Variants in LAMA5 observed in about 807,000 individuals in gnomAD.
LAMA5 encodes the protein laminin subunit alpha-5.
In LAMA5, 260 loss-of-function variants were observed where a neutral mutation model predicts 433.4. The ratio of observed to expected loss-of-function variants is 0.60; its 90% CI spans 0.54 to 0.66. The LOEUF is 0.66. Ranked by LOEUF, LAMA5 falls within the 30% of genes least tolerant of loss-of-function variation. The pLI is 0.00. For missense variants in LAMA5, 5,378 were observed against 5,258.5 expected (o/e 1.02, Z -0.70); for synonymous variants, 2,620 against 2,226.6 (o/e 1.18, Z -4.97).
intron 11 of LAMA5, among the ~76,000 whole-genome samples, chr20:62,345,125 T>C (rs1983153227): frequency 6.6e-6 from 1 of 150,984 alleles, no homozygotes; most frequent in Non-Finnish European, 1.5e-5. Context: ...TCAAGCGATT[T>C]TCCTGCCTCA....
intron 6 of LAMA5, among the ~76,000 whole-genome samples, chr20:62,348,308 G>C (rs1983676664): frequency 6.6e-6 from 1 of 152,162 alleles, no homozygotes; most frequent in Non-Finnish European, 1.5e-5. Context: ...TGGTCATAAA[G>C]AAATCTAAAA....
chr20:62,338,207 G>A (rs777104438), intron 13 of LAMA5, 25 bp downstream of exon 13: 8 of 1,576,566 alleles, frequency 5.1e-6, no homozygotes, highest in Non-Finnish European at 6.9e-6. Context: ...CCCTACCCAC[G>A]CCCACGTGGA....
At chr20:62,325,186 A>AGGGGCAGGACGAGAGGTGAGTAGG in intron 41 of LAMA5, 130 bp downstream of exon 41, 1 of 621,428 alleles carries the variant, frequency 1.6e-6, no homozygotes, top group Non-Finnish European at 2.7e-6. Context: ...TGTGAAAAGC[A>AGGGGCAGGACGAGAGGTGAGTAGG]GGGGCAGGAA....
At chr20:62,340,311 T>G (rs1010805138) in intron 11 of LAMA5, among the ~76,000 whole-genome samples, 5 of 139,126 alleles carry the variant, frequency 3.6e-5, no homozygotes, top group East Asian at 2.1e-4. Context: ...CTTTGTTTTT[T>G]TTTTTTTTTT....
intron 1 of LAMA5, among the ~76,000 whole-genome samples, chr20:62,364,606 G>C (rs994158300): frequency 6.6e-6 from 1 of 152,316 alleles, no homozygotes. Flanking sequence ...CAGAAGGGCC[G>C]ATAAGGACTT....
chr20:62,317,855 G>T, intron 53 of LAMA5, 77 bp from the exon 54 acceptor site: 1 of 343,534 alleles, frequency 2.9e-6, no homozygotes, highest in East Asian at 9.6e-5. Flanking sequence ...GGACAGCAGG[G>T]CAGGGAAGGG....
chr20:62,323,001 G>A (rs539755135), intron 45 of LAMA5, among the ~76,000 whole-genome samples: 1 of 150,964 alleles, frequency 6.6e-6, no homozygotes, highest in Non-Finnish European at 1.5e-5. Context: ...TCCGCTGCCA[G>A]TGGTGGGGCA....
At chr20:62,332,886 A>G (rs1006597016) in intron 26 of LAMA5, among the ~76,000 whole-genome samples, 169 bp from the exon 27 acceptor site, 1 of 134,362 alleles carries the variant, frequency 7.4e-6, no homozygotes, top group Non-Finnish European at 1.7e-5. Flanking sequence ...TGTGGAGGCC[A>G]CAGCCAATCC....
intron 35 of LAMA5, 81 bp downstream of exon 35, chr20:62,328,160 G>A (rs1339652217): frequency 2.0e-6 from 3 of 1,508,988 alleles, no homozygotes; most frequent in East Asian, 2.4e-5. Context: ...GGAGCAGGGT[G>A]GGTGCCAGGA....
chr20:62,322,572 T>C (rs1978458219), intron 46 of LAMA5, 86 bp downstream of exon 46: 1 of 1,410,810 alleles, frequency 7.1e-7, no homozygotes, highest in Non-Finnish European at 9.6e-7. Context: ...ACACTGCCCC[T>C]CAGCCCCACC....
chr20:62,353,112 C>A, intron 3 of LAMA5, 22 bp downstream of exon 3: 1 of 1,528,238 alleles, frequency 6.5e-7, no homozygotes, highest in South Asian at 1.2e-5. Flanking sequence ...TCCCCCCAGG[C>A]CCCACGGCGG....
At position 62,318,727 on chromosome 20, in the gene LAMA5, G is replaced by C. The variant is rs533887980; in HGVS notation, c.7043-77C>G. 2.2e-5 allele frequency: 35 copies of C among 1,569,510 alleles called. 1 individual carries two copies. In the East Asian group the frequency reaches 7.7e-4, roughly 35 times the overall value. The stretch of plus-strand genomic sequence containing the variant: ...GACCCCTGGTCTCCACTTGGTGCCC[G>C]CCAGATCCATCTGCCCCGTGATGCC... On this transcript the variant is annotated intron_variant, in intron 52 of 79. Transcript: ENST00000252999.
intron 32 of LAMA5, among the ~76,000 whole-genome samples, chr20:62,329,507 C>T (rs2146177523): frequency 6.6e-6 from 1 of 152,316 alleles, no homozygotes; most frequent in East Asian, 1.9e-4. Flanking sequence ...TGTCTGCTGG[C>T]CACGCCTTCC....
intron 14 of LAMA5, 38 bp downstream of exon 14, chr20:62,337,978 G>A: frequency 1.3e-6 from 2 of 1,596,418 alleles, no homozygotes; most frequent in Non-Finnish European, 1.7e-6. Flanking sequence ...GCGCCATGTG[G>A]GTGGCAGAAC....
chr20:62,360,662 A>ATGGGTGGGTGGGTGGAGGGATAGATGGG (rs1986023145), intron 2 of LAMA5, among the ~76,000 whole-genome samples: 1 of 10,180 alleles, frequency 9.8e-5, no homozygotes, highest in African/African-American at 3.9e-4. Flanking sequence ...GGAGGGATAG[A>ATGGGTGGGTGGGTGGAGGGATAGATGGG]TGGGTGGGTG....
rs746278715 is a variant in LAMA5 at position 62,329,836 on chromosome 20, C to T, written c.4060G>A (p.Val1354Met). The change falls in exon 32 of 80, where the codon GTG (valine) becomes ATG (methionine). Residue 1354 changes from valine (V) to methionine (M), a missense_variant. Val to Met is a conservative substitution (Grantham distance 21). Coordinates refer to ENST00000252999, the MANE Select transcript of LAMA5 (RefSeq NM_005560.6). ...GTCACAGTGAGCTCGCTGTGGGTCA[C>T]GTCCAGCAGGGCCTGGCCCTCACAC... is the stretch of plus-strand genomic sequence containing the variant. ...VVCEGQALLD[V>M]THSELTVTVR... is the part of the protein sequence containing the mutation. 1.2e-5 allele frequency: 20 copies of T among 1,612,404 alleles called. No individual in the cohort carries two copies. The highest frequency in any genetic ancestry group is 2.7e-5 in the African/African-American group (2 of 74,944).
In LAMA5 at chr20:62,325,107, A is replaced by AGGCAGATGAGG. The variant is rs1555876019; in HGVS notation, c.5529+208_5529+209insCCTCATCTGCC. ...ATGGAGGGGCAGGCGGATGAGGGGC[A>AGGCAGATGAGG]GGCAGGCGGACGAGGGGCAGGCAGA... On this transcript the variant is annotated intron_variant, in intron 41 of 79. Transcript: ENST00000252999. The AGGCAGATGAGG allele has an allele frequency of 1.0e-3, 536 of 527,524 alleles. 6 individuals carry two copies. The highest frequency in any genetic ancestry group is 8.4e-3 in the East Asian group (272 of 32,430). 32.7% of individuals were successfully genotyped at this position (527,524 alleles called of 1,614,324 possible). A position where few individuals can be genotyped will look rare whatever the true frequency, so the allele number is the denominator to read the frequency against.
chr20:62,339,946 G>C (rs1374304618), intron 11 of LAMA5, among the ~76,000 whole-genome samples: 15 of 152,180 alleles, frequency 9.9e-5, no homozygotes, highest in African/African-American at 2.7e-4. Context: ...ATAGCCTCTT[G>C]AAAGAGCGTA....
At chr20:62,355,968 C>T (rs1289637415) in intron 2 of LAMA5, among the ~76,000 whole-genome samples, 1 of 152,216 alleles carries the variant, frequency 6.6e-6, no homozygotes, top group Non-Finnish European at 1.5e-5. Flanking sequence ...TCCCTGAGTG[C>T]CTGGATGGAG....
Sources: allele counts gnomAD v4.1 joint callset (sites outside exome capture counted in the v4.1 genomes callset), GRCh38; gene constraint gnomAD v4.1.1; transcripts MANE v1.5; gene names NCBI Gene and HGNC (gene_info 2026-07-23, HGNC 2026-07-21).